Variants in GRID2 observed in about 807,000 individuals in gnomAD.
The protein encoded by GRID2 is glutamate ionotropic receptor delta type subunit 2.
In GRID2, 33 loss-of-function variants were observed where a neutral mutation model predicts 114.8. The observed-to-expected ratio is 0.29, with a 90% CI of 0.22 to 0.38. GRID2 has a LOEUF of 0.38. GRID2 is among the 10% of genes least tolerant of loss of function. The pLI is 1.00. For missense variants in GRID2, 1,184 were observed against 1,257.7 expected (o/e 0.94, Z 0.89); for synonymous variants, 505 against 449.9 (o/e 1.12, Z -1.55).
chr4:92,830,614 G>A (rs186338798), intron 2 of GRID2, among the ~76,000 whole-genome samples: 1 of 152,184 alleles, frequency 6.6e-6, no homozygotes, highest in Admixed American at 6.5e-5. Flanking sequence ...TCTTTAAAGA[G>A]TCATAAGTTA....
chr4:93,613,418 C>G (rs1182748934), intron 13 of GRID2, among the ~76,000 whole-genome samples: 175 of 118,908 alleles, frequency 1.5e-3, no homozygotes, highest in Non-Finnish European at 2.8e-3. Context: ...TTTTTCTGTT[C>G]TGTTTTTTCC....
intron 13 of GRID2, among the ~76,000 whole-genome samples, chr4:93,616,027 G>A (rs1202941999): frequency 6.6e-6 from 1 of 152,052 alleles, no homozygotes; most frequent in Non-Finnish European, 1.5e-5. Context: ...CAACATTTTA[G>A]CCATTCATAG....
Position 92,651,569 on chromosome 4 carries a change from ATAT to A in GRID2, c.244+61291_244+61293del, listed in dbSNP as rs142034762. ...TGATAAGTATTCACATGGGACTCAAATATTATTATTTTTCATTCTGAGAGGTCA... is the reference window on the plus strand; with the variant it reads ...TGATAAGTATTCACATGGGACTCAAATATTATTTTTCATTCTGAGAGGTCA... On this transcript the variant is annotated intron_variant, in intron 2 of 15. Coordinates refer to ENST00000282020, the MANE Select transcript of GRID2 (RefSeq NM_001510.4). Among the ~76,000 whole-genome samples, 793 of 152,100 alleles carry A rather than the reference ATAT, an allele frequency of 5.2e-3. 10 individuals are homozygous for A. Among genetic ancestry groups the A allele is most frequent in the African/African-American group, 0.018 (743 of 41,500 alleles).
At chr4:93,217,097 T>C in intron 6 of GRID2, 186 bp downstream of exon 6, 1 of 422,968 alleles carries the variant, frequency 2.4e-6, no homozygotes, top group Non-Finnish European at 4.2e-6. Flanking sequence ...TTTGATCTCA[T>C]TATAGAAAAA....
chr4:93,693,831 A>G (rs1726778034), intron 14 of GRID2, among the ~76,000 whole-genome samples: 1 of 152,210 alleles, frequency 6.6e-6, no homozygotes, highest in South Asian at 2.1e-4. Flanking sequence ...TATGGAAATA[A>G]TTATTTACTG....
At chr4:93,690,735 A>G (rs1578580122) in intron 14 of GRID2, among the ~76,000 whole-genome samples, 1 of 151,804 alleles carries the variant, frequency 6.6e-6, no homozygotes, top group African/African-American at 2.4e-5. Flanking sequence ...TCATTTCAAT[A>G]TAATGTACAT....
intron 4 of GRID2, among the ~76,000 whole-genome samples, chr4:93,116,752 T>G (rs1480909966): frequency 1.6e-5 from 2 of 122,426 alleles, no homozygotes; most frequent in Non-Finnish European, 1.7e-5. Flanking sequence ...AGGAAGAGGG[T>G]TTTTTTTTTT....
rs568698290 is a variant in GRID2 at position 92,965,801 on chromosome 4, T to C, written c.245-119194T>C. ...CAATTTAAAACTCAAATGTTTAAAT[T>C]CCCAGATGACGAAATTTTGTATATT... On this transcript the variant is annotated intron_variant, in intron 2 of 15. Transcript: ENST00000282020. Among the ~76,000 whole-genome samples the C allele has an allele frequency of 5.3e-5, 8 of 152,044 alleles. No individual in the cohort carries two copies. The South Asian group carries it at 1.0e-3, about 20-fold the overall frequency.
At chr4:92,443,295 G>C (rs1357169588) in intron 1 of GRID2, among the ~76,000 whole-genome samples, 1 of 152,174 alleles carries the variant, frequency 6.6e-6, no homozygotes, top group Non-Finnish European at 1.5e-5. Context: ...TGGAACTACT[G>C]TGGAGTTTGT....
At chr4:93,244,869 T>G (rs1995456) in intron 8 of GRID2, among the ~76,000 whole-genome samples, 107,318 of 150,822 alleles carry the variant, frequency 0.71, 38,988 homozygotes, top group Middle Eastern at 0.87. Context: ...TTACCCTGTT[T>G]TATGTTTTCT....
At chr4:93,676,735 T>TA (rs201267401) in intron 14 of GRID2, among the ~76,000 whole-genome samples, 31 of 80,738 alleles carry the variant, frequency 3.8e-4, no homozygotes, top group African/African-American at 4.9e-4. Context: ...ATAATGAAAT[T>TA]AAAAAAAAAA....
At chr4:92,914,553 G>A (rs190967918) in intron 2 of GRID2, among the ~76,000 whole-genome samples, 239 of 152,064 alleles carry the variant, frequency 1.6e-3, no homozygotes, top group Non-Finnish European at 2.5e-3. Flanking sequence ...TACTTTTCCT[G>A]ATCCTCTCCC....
intron 2 of GRID2, among the ~76,000 whole-genome samples, chr4:92,890,554 C>T (rs1433907620): frequency 6.6e-6 from 1 of 152,154 alleles, no homozygotes; most frequent in East Asian, 1.9e-4. Flanking sequence ...CAAATCAAAC[C>T]ACAATGAGAT....
chr4:93,723,356 G>T (rs1457587766), intron 14 of GRID2, among the ~76,000 whole-genome samples: 4 of 152,162 alleles, frequency 2.6e-5, no homozygotes, highest in Non-Finnish European at 5.9e-5. Context: ...GTGAAACCAA[G>T]AATTATATTG....
At chr4:93,478,271 A>G (rs1358362665) in intron 11 of GRID2, among the ~76,000 whole-genome samples, 2 of 152,258 alleles carry the variant, frequency 1.3e-5, no homozygotes, top group Non-Finnish European at 1.5e-5. Context: ...TAAAATCAGC[A>G]TGTAAGGTTT....
At chr4:93,439,523 AC>A (rs1487999926) in intron 10 of GRID2, among the ~76,000 whole-genome samples, 7 of 152,072 alleles carry the variant, frequency 4.6e-5, no homozygotes, top group Non-Finnish European at 8.8e-5. Flanking sequence ...AGCATCTGGA[AC>A]CCAAGTGAAT....
chr4:93,445,580 T>C lies in GRID2; in HGVS notation c.1546-10082T>C, dbSNP rs2149397693. 1.3e-5 allele frequency among the ~76,000 whole-genome samples: 2 copies of C among 152,132 alleles called. 1 individual carries two copies. The highest frequency in any genetic ancestry group is 4.1e-4 in the South Asian group (2 of 4,830). On this transcript the variant is annotated intron_variant, in intron 10 of 15. Coordinates refer to ENST00000282020, the MANE Select transcript of GRID2 (RefSeq NM_001510.4). ...TGTTTTTATATTGGCCCAACTTCCA[T>C]GTTCAGCTAAATACACTAACATAAT...
chr4:93,611,843 G>C (rs1203647188), intron 13 of GRID2, among the ~76,000 whole-genome samples: 1 of 151,770 alleles, frequency 6.6e-6, no homozygotes, highest in Non-Finnish European at 1.5e-5. Context: ...CCCTGGTGCA[G>C]AGCTGAGTTC....
intron 13 of GRID2, among the ~76,000 whole-genome samples, chr4:93,527,510 A>T (rs1384604336): frequency 1.3e-5 from 2 of 152,110 alleles, no homozygotes; most frequent in African/African-American, 4.8e-5. Context: ...CCTAACATTA[A>T]ATACTGGAGT....
Sources: gnomAD v4.1 joint callset for allele counts (sites outside exome capture counted in the v4.1 genomes callset) on GRCh38, gnomAD v4.1.1 for gene constraint, MANE v1.5 for transcripts, NCBI Gene and HGNC (gene_info 2026-07-23, HGNC 2026-07-21) for gene names.